Variants in AFF3 observed in about 807,000 individuals in gnomAD.
The protein encoded by AFF3 is AF4/FMR2 family member 3.
A neutral mutation model predicts 129.7 loss-of-function variants in AFF3; 32 were observed. The observed-to-expected ratio is 0.25, with a 90% CI of 0.19 to 0.33. The LOEUF (loss-of-function observed/expected upper bound fraction) is 0.33, where lower values mean the gene tolerates loss of function less well. AFF3 is among the 10% of genes least tolerant of loss of function. AFF3 has a pLI of 1.00. For missense variants in AFF3, 1,373 were observed against 1,592.0 expected (o/e 0.86, Z 2.34); for synonymous variants, 644 against 635.4 (o/e 1.01, Z -0.20).
chr2:99,732,598 G>A (rs964294324), intron 10 of AFF3, among the ~76,000 whole-genome samples: 4 of 152,104 alleles, frequency 2.6e-5, no homozygotes, highest in African/African-American at 7.2e-5. Flanking sequence ...CCTCACTGCT[G>A]TGCAATACTT....
chr2:100,065,166 C>T (rs1021232353), intron 4 of AFF3, among the ~76,000 whole-genome samples: 3 of 152,174 alleles, frequency 2.0e-5, no homozygotes, highest in African/African-American at 7.2e-5. Flanking sequence ...GGCTGCTCTG[C>T]CTTCTTCTGG....
At chr2:99,581,980 G>C (rs1321889259) in intron 17 of AFF3, among the ~76,000 whole-genome samples, 1 of 150,938 alleles carries the variant, frequency 6.6e-6, no homozygotes, top group African/African-American at 2.4e-5. Flanking sequence ...TCAGCCTCCT[G>C]AATAGCTGGG....
At chr2:99,570,519 G>A (rs566749875) in intron 18 of AFF3, among the ~76,000 whole-genome samples, 1 of 152,150 alleles carries the variant, frequency 6.6e-6, no homozygotes, top group African/African-American at 2.4e-5. Context: ...TGTATTTTTA[G>A]TGGAGACGGG....
intron 8 of AFF3, among the ~76,000 whole-genome samples, chr2:99,759,409 A>G (rs1056463038): frequency 3.4e-5 from 5 of 147,802 alleles, no homozygotes; most frequent in Admixed American, 6.9e-5. Context: ...ATAATCGCCT[A>G]AAGAAGTAAT....
chr2:99,963,911 G>T (rs915462776), intron 7 of AFF3, among the ~76,000 whole-genome samples: 16 of 151,838 alleles, frequency 1.1e-4, no homozygotes, highest in African/African-American at 3.6e-4. Flanking sequence ...TATGTAGATT[G>T]AAAATAAAAG....
At chr2:99,779,725 A>G (rs1575958998) in intron 8 of AFF3, among the ~76,000 whole-genome samples, 1 of 152,160 alleles carries the variant, frequency 6.6e-6, no homozygotes, top group Non-Finnish European at 1.5e-5. Context: ...ATGTGTACCC[A>G]TTGATTAGCT....
chr2:99,591,680 G>C (rs775977849), intron 15 of AFF3, among the ~76,000 whole-genome samples: 2 of 152,286 alleles, frequency 1.3e-5, no homozygotes, highest in Non-Finnish European at 2.9e-5. Flanking sequence ...GCTGTGAAAC[G>C]TATGTGTCCA....
At chr2:99,614,361 T>C (rs1399456006) in intron 13 of AFF3, among the ~76,000 whole-genome samples, 3 of 152,202 alleles carry the variant, frequency 2.0e-5, no homozygotes, top group Non-Finnish European at 4.4e-5. Flanking sequence ...TCTGGAACTC[T>C]TTCAGTTACA....
At chr2:99,957,196 C>T (rs62149266) in intron 7 of AFF3, among the ~76,000 whole-genome samples, 26,882 of 147,704 alleles carry the variant, frequency 0.18, 2,807 homozygotes, top group African/African-American at 0.31. Flanking sequence ...TGTGTGTGTG[C>T]GCGCGCGCGC....
intron 7 of AFF3, among the ~76,000 whole-genome samples, chr2:99,854,763 T>G (rs1386952017): frequency 6.6e-6 from 1 of 152,048 alleles, no homozygotes; most frequent in Non-Finnish European, 1.5e-5. Context: ...AGGTTTAGAG[T>G]ATTATAACTG....
At chr2:99,956,917 T>C (rs770028827) in intron 7 of AFF3, among the ~76,000 whole-genome samples, 14 of 152,160 alleles carry the variant, frequency 9.2e-5, no homozygotes, top group Non-Finnish European at 1.3e-4. Context: ...TAATGTAAAA[T>C]AGGTTAAGCA....
intron 7 of AFF3, among the ~76,000 whole-genome samples, chr2:99,986,496 C>G (rs371795506): frequency 2.6e-5 from 4 of 152,036 alleles, no homozygotes; most frequent in Non-Finnish European, 5.9e-5. Context: ...TTATTTAGTA[C>G]TTTAAACTGA....
intron 11 of AFF3, among the ~76,000 whole-genome samples, chr2:99,694,619 T>C (rs1043464071): frequency 1.7e-4 from 4 of 24,054 alleles, no homozygotes; most frequent in African/African-American, 1.6e-3. Context: ...AACAGAAATA[T>C]GTGAGTCGCT....
chr2:99,862,182 A>G (rs149422206), intron 7 of AFF3, among the ~76,000 whole-genome samples: 2 of 152,048 alleles, frequency 1.3e-5, no homozygotes, highest in East Asian at 3.9e-4. Context: ...TAATATCTAT[A>G]CTTCCTATTT....
intron 8 of AFF3, among the ~76,000 whole-genome samples, chr2:99,775,740 C>T (rs924056178): frequency 6.6e-6 from 1 of 151,584 alleles, no homozygotes; most frequent in Non-Finnish European, 1.5e-5. Flanking sequence ...GGCTCATCCT[C>T]GCTCTCAAGA....
chr2:99,930,571 C>G (rs757654249), intron 7 of AFF3, among the ~76,000 whole-genome samples: 3 of 152,202 alleles, frequency 2.0e-5, no homozygotes, highest in Non-Finnish European at 2.9e-5. Context: ...TTCTCTCCCT[C>G]TTTCTCTTTC....
chr2:99,920,736 G>T (rs896875495), intron 7 of AFF3, among the ~76,000 whole-genome samples: 1 of 151,910 alleles, frequency 6.6e-6, no homozygotes, highest in African/African-American at 2.4e-5. Flanking sequence ...GTACAGATTG[G>T]AAAGGAAGAA....
chr2:100,087,565 A>G (rs1051446998), intron 4 of AFF3, among the ~76,000 whole-genome samples: 41 of 152,028 alleles, frequency 2.7e-4, no homozygotes, highest in Non-Finnish European at 4.3e-4. Flanking sequence ...AGATTTGATT[A>G]TTCTTACTTA....
intron 13 of AFF3, among the ~76,000 whole-genome samples, chr2:99,607,962 C>G (rs906245851): frequency 6.6e-6 from 1 of 152,066 alleles, no homozygotes. Flanking sequence ...TAAGAATTGT[C>G]GTCTAAAAAA....
Sources: allele counts gnomAD v4.1 joint callset (sites outside exome capture counted in the v4.1 genomes callset), GRCh38; gene constraint gnomAD v4.1.1; transcripts MANE v1.5; gene names NCBI Gene and HGNC (gene_info 2026-07-23, HGNC 2026-07-21).